Variants in KHDRBS1 observed in about 807,000 individuals in gnomAD.
KHDRBS1 encodes KH domain-containing, RNA-binding, signal transduction-associated protein 1.
Under a neutral mutation model 48.4 loss-of-function variants are expected in KHDRBS1, and 7 were observed. That is an observed-to-expected ratio of 0.14 (90% CI 0.08 to 0.27). The LOEUF is 0.27. Ranked by LOEUF, KHDRBS1 falls within the 10% of genes least tolerant of loss-of-function variation. The pLI is 1.00. For missense variants in KHDRBS1, 458 were observed against 601.2 expected (o/e 0.76, Z 2.49); for synonymous variants, 241 against 235.8 (o/e 1.02, Z -0.20).
At chr1:32,047,943 A>C (rs1639376144), downstream of KHDRBS1, among the ~76,000 whole-genome samples, 1 of 152,140 alleles carries the variant, frequency 6.6e-6, no homozygotes, top group Admixed American at 6.5e-5. Flanking sequence ...GGAATCATAT[A>C]ATATATGCTT....
intron 10 of KHDRBS1, among the ~76,000 whole-genome samples, chr1:32,050,559 C>T (rs781423832): frequency 6.6e-6 from 1 of 152,074 alleles, no homozygotes; most frequent in Non-Finnish European, 1.5e-5. Flanking sequence ...GTCCCCCAGG[C>T]TGGAGTGCAG....
At chr1:32,028,134 A>T (rs371514474) in intron 1 of KHDRBS1, among the ~76,000 whole-genome samples, 1 of 152,166 alleles carries the variant, frequency 6.6e-6, no homozygotes, top group Admixed American at 6.6e-5. Flanking sequence ...AATAATTAAT[A>T]AATAAAAACT....
At chr1:32,040,944 G>A (rs924408384) in intron 8 of KHDRBS1, among the ~76,000 whole-genome samples, 7 of 152,136 alleles carry the variant, frequency 4.6e-5, no homozygotes, top group African/African-American at 1.4e-4. Context: ...AAATAGCACT[G>A]GACAGTTGCC....
chr1:32,037,297 CA>C (rs1639202164), intron 5 of KHDRBS1, among the ~76,000 whole-genome samples: 1 of 152,024 alleles, frequency 6.6e-6, no homozygotes, highest in Non-Finnish European at 1.5e-5. Context: ...ACTAAAAATA[CA>C]AAAATTATCC....
rs1639096047 is a variant in KHDRBS1 at position 32,032,272 on chromosome 1, T to C, written c.624+632T>C. Among the ~76,000 whole-genome samples, 6 of 152,368 alleles carry C rather than the reference T, an allele frequency of 3.9e-5. No homozygotes were observed. The South Asian group carries it at 1.2e-3, about 32-fold the overall frequency. On this transcript the variant is annotated intron_variant, in intron 3 of 8. Coordinates refer to ENST00000327300, the MANE Select transcript of KHDRBS1 (RefSeq NM_006559.3). ...TGGGGTCACCTTATTTGATGAGATA[T>C]TCCTGCTACAGTCCAAAAACCAATT...
intron 8 of KHDRBS1, 57 bp downstream of exon 8, chr1:32,039,630 C>A: frequency 1.1e-6 from 1 of 898,316 alleles, no homozygotes; most frequent in South Asian, 1.3e-5. Flanking sequence ...TGGGAGAATG[C>A]TGGTGACTAA....
chr1:32,025,181 G>A (rs865843215), intron 1 of KHDRBS1, among the ~76,000 whole-genome samples: 4 of 149,516 alleles, frequency 2.7e-5, no homozygotes, highest in African/African-American at 9.9e-5. Context: ...TGGGAGGATC[G>A]CCTGAACCCA....
In KHDRBS1 at chr1:32,014,373, G is replaced by A; in HGVS notation, c.378G>A (p.Thr126=). 1.4e-6 allele frequency: 2 copies of A among 1,415,558 alleles called. No homozygotes were observed. Among genetic ancestry groups the A allele is most frequent in the Non-Finnish European group, 1.9e-6 (2 of 1,066,612 alleles). The allele number at this position is 1,415,558 out of a possible 1,614,324, so 87.7% of individuals were successfully genotyped here. ...PSFTHAMQLL[T]AEIEKIQKGD... ...TCACTCACGCCATGCAGCTGCTGACGGCAGGTAAGGGGGCCTCCCGTGTCC... is the reference window on the plus strand; with the variant it reads ...TCACTCACGCCATGCAGCTGCTGACAGCAGGTAAGGGGGCCTCCCGTGTCC... The change falls in exon 1 of 9, where the codon ACG becomes ACA. Residue 126 remains threonine, a synonymous_variant. Transcript: ENST00000327300.
chr1:32,059,668 G>C (rs1639522530), intron 10 of KHDRBS1, among the ~76,000 whole-genome samples: 1 of 152,050 alleles, frequency 6.6e-6, no homozygotes, highest in African/African-American at 2.4e-5. Flanking sequence ...TTTGGTGCTG[G>C]GATGAATCCT....
intron 1 of KHDRBS1, 74 bp downstream of exon 1, chr1:32,014,451 C>T (rs1000546325): frequency 3.2e-6 from 4 of 1,248,926 alleles, no homozygotes; most frequent in Non-Finnish European, 4.1e-6. Flanking sequence ...TTGTTCCTCT[C>T]GCTTCCCGCC....
At chr1:32,039,961 A>T (rs1639251725) in intron 8 of KHDRBS1, among the ~76,000 whole-genome samples, 1 of 152,120 alleles carries the variant, frequency 6.6e-6, no homozygotes, top group Admixed American at 6.6e-5. Context: ...ACTTTGGTAG[A>T]TAACAAGAAC....
chr1:32,040,347 C>T (rs1467758751), intron 8 of KHDRBS1, among the ~76,000 whole-genome samples: 5 of 151,440 alleles, frequency 3.3e-5, no homozygotes, highest in African/African-American at 9.7e-5. Context: ...ACCTGGGAGG[C>T]GGAGGTTGCA....
At position 32,057,991 on chromosome 1, in the gene KHDRBS1, G is replaced by A. The variant is rs376988348; in HGVS notation, n.1302-2172G>A. 2.7e-3 allele frequency among the ~76,000 whole-genome samples: 412 copies of A among 151,838 alleles called. 1 individual carries two copies. Among genetic ancestry groups the A allele is most frequent in the African/African-American group, 8.4e-3 (346 of 41,380 alleles). On this transcript the variant is annotated intron_variant and non_coding_transcript_variant, in intron 10 of 10. Transcript: ENST00000484270. ...AAATTAGCTGAGTGTGGTGGCGGGC[G>A]CCTGTAATCCCAGCTACTTAGGAGG...
At chr1:32,027,680 T>G (rs555143458) in intron 1 of KHDRBS1, among the ~76,000 whole-genome samples, 1 of 152,228 alleles carries the variant, frequency 6.6e-6, no homozygotes, top group Non-Finnish European at 1.5e-5. Context: ...TAGTTCATGG[T>G]ATAGTATAGC....
chr1:32,020,444 G>A (rs752113356), intron 1 of KHDRBS1, among the ~76,000 whole-genome samples: 8 of 151,776 alleles, frequency 5.3e-5, no homozygotes. Flanking sequence ...CGTGCTTACC[G>A]TATCGTTCAA....
At chr1:32,017,845 G>A (rs1638775412) in intron 1 of KHDRBS1, among the ~76,000 whole-genome samples, 1 of 151,838 alleles carries the variant, frequency 6.6e-6, no homozygotes, top group African/African-American at 2.4e-5. Context: ...GACCTCAGGT[G>A]ATCCGCCTGC....
intron 1 of KHDRBS1, among the ~76,000 whole-genome samples, chr1:32,016,153 G>C (rs1476315467): frequency 6.7e-6 from 1 of 149,528 alleles, no homozygotes; most frequent in African/African-American, 2.5e-5. Flanking sequence ...ACTCCAGCCT[G>C]GGCAACAAGA....
At chr1:32,025,188 C>A (rs1638940162) in intron 1 of KHDRBS1, among the ~76,000 whole-genome samples, 2 of 151,156 alleles carry the variant, frequency 1.3e-5, no homozygotes, top group South Asian at 4.2e-4. Flanking sequence ...ATCGCCTGAA[C>A]CCAGGAGGTT....
At chr1:32,046,580 T>C (rs1639360532), downstream of KHDRBS1, among the ~76,000 whole-genome samples, 2 of 152,198 alleles carry the variant, frequency 1.3e-5, no homozygotes, top group Non-Finnish European at 2.9e-5. Flanking sequence ...GAAGAAAGGA[T>C]GTGGAGTTTG....
Sources: allele counts gnomAD v4.1 joint callset (sites outside exome capture counted in the v4.1 genomes callset), GRCh38; gene constraint gnomAD v4.1.1; transcripts MANE v1.5; gene names NCBI Gene and HGNC (gene_info 2026-07-23, HGNC 2026-07-21).